DCC: variants seen among roughly 807,000 people sequenced by gnomAD.
The protein encoded by DCC is DCC netrin 1 receptor, also known as netrin receptor DCC.
A neutral mutation model predicts 172.5 loss-of-function variants in DCC; 58 were observed. That is an observed-to-expected ratio of 0.34 (90% CI 0.27 to 0.42). The LOEUF is 0.42. Among genes scored for constraint, DCC ranks in the 10% least tolerant of loss-of-function variants. The pLI, the probability that DCC is intolerant of heterozygous loss-of-function variation, is 1.00. For synonymous variants in DCC, 709 were observed against 644.5 expected (o/e 1.10, Z -1.52); for missense variants, 1,740 against 1,791.0 (o/e 0.97, Z 0.51).
intron 5 of DCC, among the ~76,000 whole-genome samples, chr18:53,015,735 T>TA (rs2143898034): frequency 6.6e-6 from 1 of 152,236 alleles, no homozygotes; most frequent in African/African-American, 2.4e-5. Context: ...GAACAAAACC[T>TA]AAAAAATATT....
intron 13 of DCC, among the ~76,000 whole-genome samples, chr18:53,315,118 C>G (rs547512494): frequency 6.6e-6 from 1 of 152,168 alleles, no homozygotes; most frequent in Non-Finnish European, 1.5e-5. Flanking sequence ...CCCCTAGCCC[C>G]CCACTCCCTG....
At chr18:52,809,139 A>T (rs886434845) in intron 2 of DCC, among the ~76,000 whole-genome samples, 1 of 152,222 alleles carries the variant, frequency 6.6e-6, no homozygotes, top group Non-Finnish European at 1.5e-5. Context: ...ACTGCCAAAA[A>T]TGACAGCTAG....
chr18:52,762,035 T>C (rs533112053), intron 2 of DCC, among the ~76,000 whole-genome samples: 3 of 152,150 alleles, frequency 2.0e-5, no homozygotes, highest in Non-Finnish European at 2.9e-5. Flanking sequence ...TTGTGAAATG[T>C]AACTCAGGTA....
intron 3 of DCC, among the ~76,000 whole-genome samples, chr18:52,907,350 T>C (rs2039902721): frequency 7.3e-6 from 1 of 136,428 alleles, no homozygotes; most frequent in East Asian, 2.2e-4. Flanking sequence ...ACATATATCA[T>C]GTATATATGA....
At chr18:53,240,026 TAAAAAAAAAA>T (rs68158437) in intron 12 of DCC, among the ~76,000 whole-genome samples, 1 of 69,044 alleles carries the variant, frequency 1.4e-5, no homozygotes, top group Non-Finnish European at 3.0e-5. Flanking sequence ...GTTCTAGAGT[TAAAAAAAAAA>T]AAAAAAAAAA....
chr18:52,410,137 T>C (rs1986795383), intron 1 of DCC, among the ~76,000 whole-genome samples: 1 of 152,136 alleles, frequency 6.6e-6, no homozygotes, highest in Non-Finnish European at 1.5e-5. Context: ...TCAAAAACGG[T>C]ATTAGGCTGG....
At chr18:53,045,710 T>A (rs1187312804) in intron 5 of DCC, among the ~76,000 whole-genome samples, 1 of 151,968 alleles carries the variant, frequency 6.6e-6, no homozygotes, top group Non-Finnish European at 1.5e-5. Flanking sequence ...CGCTATTTTG[T>A]AAAAGTCTAA....
intron 19 of DCC, among the ~76,000 whole-genome samples, chr18:53,407,320 C>T (rs958365068): frequency 2.6e-5 from 4 of 151,390 alleles, no homozygotes; most frequent in East Asian, 1.9e-4. Context: ...AAGTGACTTT[C>T]GATACCTCTT....
chr18:53,140,883 C>T (rs751932554), intron 7 of DCC, among the ~76,000 whole-genome samples: 2 of 152,016 alleles, frequency 1.3e-5, no homozygotes, highest in Non-Finnish European at 2.9e-5. Context: ...ATTGTAGTAT[C>T]CTTCACCCCA....
intron 7 of DCC, among the ~76,000 whole-genome samples, chr18:53,092,285 T>C (rs1194405855): frequency 1.3e-5 from 2 of 152,146 alleles, no homozygotes; most frequent in Non-Finnish European, 2.9e-5. Flanking sequence ...CTCAGGTGAC[T>C]CTTAAGCAGA....
chr18:53,337,969 A>G (rs1209058478), intron 14 of DCC, among the ~76,000 whole-genome samples: 1 of 152,234 alleles, frequency 6.6e-6, no homozygotes, highest in Non-Finnish European at 1.5e-5. Flanking sequence ...AATAATGAAC[A>G]GAATCACTTT....
chr18:52,459,739 G>A (rs1434965845), intron 1 of DCC, among the ~76,000 whole-genome samples: 2 of 152,082 alleles, frequency 1.3e-5, no homozygotes, highest in East Asian at 1.9e-4. Flanking sequence ...AAAGTCCTGG[G>A]ATTACAGGCG....
intron 15 of DCC, among the ~76,000 whole-genome samples, chr18:53,358,058 T>C (rs940564882): frequency 2.6e-5 from 4 of 152,142 alleles, no homozygotes; most frequent in African/African-American, 9.6e-5. Context: ...ATGCTTCTTA[T>C]TTATGTTGTT....
intron 7 of DCC, among the ~76,000 whole-genome samples, chr18:53,100,168 C>A (rs927229130): frequency 8.6e-5 from 13 of 151,648 alleles, no homozygotes; most frequent in African/African-American, 2.9e-4. Flanking sequence ...GGCTGGTCTG[C>A]AACTCCTGAC....
At chr18:52,911,730 A>T (rs1031330734) in intron 3 of DCC, among the ~76,000 whole-genome samples, 2 of 149,506 alleles carry the variant, frequency 1.3e-5, no homozygotes, top group African/African-American at 4.9e-5. Context: ...CATATTTAAC[A>T]TTTTTTTTTT....
rs1300916537 is a variant in DCC, at chr18:52,591,872, C to T, written c.92-160182C>T. Among the ~76,000 whole-genome samples the T allele has an allele frequency of 7.6e-5, 11 of 144,344 alleles. No homozygotes were observed. In the Admixed American group the frequency reaches 8.0e-4, roughly 10 times the overall value. The allele number at this position is 144,344 out of a possible 152,430, so 94.7% of individuals were successfully genotyped here. ...ACTTCTGGCCTCAAGCAGTAGGCTT[C>T]CAAAGCTCTAGGATTACATGCCCCA... On this transcript the variant is annotated intron_variant, in intron 1 of 28. Coordinates refer to ENST00000442544, the MANE Select transcript of DCC (RefSeq NM_005215.4).
At chr18:52,367,989 T>C (rs1441839929) in intron 1 of DCC, among the ~76,000 whole-genome samples, 1 of 152,228 alleles carries the variant, frequency 6.6e-6, no homozygotes, top group African/African-American at 2.4e-5. Context: ...ATCTGTGAAC[T>C]CACTAATAAG....
At chr18:53,514,358 CA>C (rs2046305059) in intron 27 of DCC, among the ~76,000 whole-genome samples, 1 of 151,712 alleles carries the variant, frequency 6.6e-6, no homozygotes, top group Non-Finnish European at 1.5e-5. Flanking sequence ...AGGAAAGATC[CA>C]AAATTGACAC....
intron 1 of DCC, among the ~76,000 whole-genome samples, chr18:52,373,888 A>T (rs77857315): frequency 0.17 from 21,264 of 127,020 alleles, 1,831 homozygotes; most frequent in African/African-American, 0.22. Flanking sequence ...TGGTTGCATC[A>T]TTTTTTTTTT....
Sources: gnomAD v4.1 joint callset for allele counts (sites outside exome capture counted in the v4.1 genomes callset) on GRCh38, gnomAD v4.1.1 for gene constraint, MANE v1.5 for transcripts, NCBI Gene and HGNC (gene_info 2026-07-23, HGNC 2026-07-21) for gene names.